Variants in BICC1 observed in about 807,000 individuals in gnomAD.
BICC1 encodes the protein BicC family RNA binding protein 1.
A neutral mutation model predicts 111.0 loss-of-function variants in BICC1; 43 were observed. The ratio of observed to expected loss-of-function variants is 0.39; its 90% CI spans 0.30 to 0.50. The LOEUF is 0.50. Ranked by LOEUF, BICC1 falls within the 20% of genes least tolerant of loss-of-function variation. BICC1 has a pLI of 0.88. For synonymous variants in BICC1, 467 were observed against 434.4 expected (o/e 1.07, Z -0.93); for missense variants, 1,091 against 1,203.2 (o/e 0.91, Z 1.38).
chr10:58,823,131 T>C, intron 20 of BICC1: 14 of 552,264 alleles, frequency 2.5e-5, no homozygotes, highest in Non-Finnish European at 3.2e-5. Flanking sequence ...TGGTCAAATG[T>C]ACAGGGACTC....
intron 2 of BICC1, among the ~76,000 whole-genome samples, chr10:58,697,074 A>T (rs1365125987): frequency 1.3e-5 from 2 of 152,240 alleles, no homozygotes; most frequent in Non-Finnish European, 2.9e-5. Context: ...CCCAACTTTC[A>T]GGTAACATTT....
chr10:58,688,018 C>T (rs931630557), intron 2 of BICC1, among the ~76,000 whole-genome samples: 9 of 152,120 alleles, frequency 5.9e-5, no homozygotes, highest in Admixed American at 5.9e-4. Context: ...AAAGGTGGCG[C>T]ATACGTAGTT....
intron 17 of BICC1, among the ~76,000 whole-genome samples, chr10:58,813,287 A>G (rs2132937813): frequency 6.6e-6 from 1 of 152,306 alleles, no homozygotes; most frequent in South Asian, 2.1e-4. Context: ...GAATTTAAAG[A>G]GATAAATTAC....
intron 3 of BICC1, among the ~76,000 whole-genome samples, chr10:58,721,229 C>A (rs886265718): frequency 1.1e-4 from 16 of 152,278 alleles, no homozygotes; most frequent in African/African-American, 3.9e-4. Flanking sequence ...CATACCACCC[C>A]CTTCCATGGT....
rs560344794 is a variant in BICC1 at position 58,623,014 on chromosome 10, G to A, written c.237+2113G>A. Among the ~76,000 whole-genome samples, 153 of 152,250 alleles carry A rather than the reference G, an allele frequency of 1.0e-3. 1 individual carries two copies. The South Asian group carries it at 0.013, about 13-fold the overall frequency. ...AAAGTTAAAACCTCTCTTTAGCTGAGTTTAAACTTCAGCTACTCAACTTTT... is the reference window on the plus strand; with the variant it reads ...AAAGTTAAAACCTCTCTTTAGCTGAATTTAAACTTCAGCTACTCAACTTTT... On this transcript the variant is annotated intron_variant, in intron 2 of 20. Coordinates refer to ENST00000373886, the MANE Select transcript of BICC1 (RefSeq NM_001080512.3).
At chr10:58,671,670 G>A (rs1402925207) in intron 2 of BICC1, among the ~76,000 whole-genome samples, 2 of 151,974 alleles carry the variant, frequency 1.3e-5, no homozygotes, top group East Asian at 3.9e-4. Context: ...TTATCCTCCA[G>A]CCATTGTCCT....
intron 3 of BICC1, among the ~76,000 whole-genome samples, chr10:58,727,946 G>A (rs998669150): frequency 6.6e-6 from 1 of 152,158 alleles, no homozygotes; most frequent in Non-Finnish European, 1.5e-5. Flanking sequence ...TTTAAAAAAT[G>A]TACATACTTT....
chr10:58,806,718 CAGAAAA>C, intron 16 of BICC1, 95 bp downstream of exon 16: 1 of 1,132,680 alleles, frequency 8.8e-7, no homozygotes, highest in Non-Finnish European at 1.3e-6. Context: ...CTTGAAAACT[CAGAAAA>C]AGAAACCTAG....
chr10:58,586,633 CA>C (rs5785328), intron 1 of BICC1, among the ~76,000 whole-genome samples: 129,166 of 147,288 alleles, frequency 0.88, 56,735 homozygotes, highest in East Asian at 1. Context: ...AAAAAAAAAA[CA>C]AAAAAAAACC....
At chr10:58,619,656 G>T (rs1332114177) in intron 1 of BICC1, among the ~76,000 whole-genome samples, 1 of 152,006 alleles carries the variant, frequency 6.6e-6, no homozygotes, top group Non-Finnish European at 1.5e-5. Flanking sequence ...TGTATTTTTA[G>T]TAGAGACAGG....
chr10:58,817,011 A>G (rs1288880117), intron 18 of BICC1, among the ~76,000 whole-genome samples: 1 of 152,016 alleles, frequency 6.6e-6, no homozygotes, highest in Admixed American at 6.6e-5. Flanking sequence ...CACTTTATAC[A>G]TTACTATTAA....
intron 1 of BICC1, among the ~76,000 whole-genome samples, chr10:58,594,394 T>C (rs1021200974): frequency 5.9e-5 from 9 of 151,984 alleles, no homozygotes; most frequent in African/African-American, 2.2e-4. Context: ...AGATACTCCT[T>C]GAGAAGAGCA....
chr10:58,748,305 A>C (rs1211906554), intron 3 of BICC1, among the ~76,000 whole-genome samples: 1 of 152,122 alleles, frequency 6.6e-6, no homozygotes, highest in Non-Finnish European at 1.5e-5. Flanking sequence ...GATCAGGCAG[A>C]TAATAAAGAA....
At chr10:58,822,090 T>G (rs1053901617) in intron 20 of BICC1, among the ~76,000 whole-genome samples, 2 of 152,168 alleles carry the variant, frequency 1.3e-5, no homozygotes, top group South Asian at 4.1e-4. Context: ...GTTTTCATAT[T>G]ATTTTATTAA....
At chr10:58,666,323 G>A (rs187232533) in intron 2 of BICC1, among the ~76,000 whole-genome samples, 4 of 152,300 alleles carry the variant, frequency 2.6e-5, no homozygotes, top group African/African-American at 9.6e-5. Flanking sequence ...CCAACACTCA[G>A]CTATTGTTTC....
chr10:58,636,879 G>T (rs1401372936), intron 2 of BICC1, among the ~76,000 whole-genome samples: 1 of 151,820 alleles, frequency 6.6e-6, no homozygotes, highest in Non-Finnish European at 1.5e-5. Context: ...AAACAGTAAA[G>T]CATTGAGCAA....
At chr10:58,822,345 T>C (rs1844274801) in intron 20 of BICC1, among the ~76,000 whole-genome samples, 1 of 152,156 alleles carries the variant, frequency 6.6e-6, no homozygotes, top group South Asian at 2.1e-4. Context: ...AGCAGATAGC[T>C]GTAAATACAT....
At chr10:58,648,325 A>G (rs1363324831) in intron 2 of BICC1, among the ~76,000 whole-genome samples, 1 of 152,198 alleles carries the variant, frequency 6.6e-6, no homozygotes. Flanking sequence ...GATTGTACAC[A>G]ACTCAGTGCT....
At chr10:58,770,164 G>C (rs188176487) in intron 3 of BICC1, among the ~76,000 whole-genome samples, 22 of 152,152 alleles carry the variant, frequency 1.4e-4, no homozygotes, top group Admixed American at 1.4e-3. Context: ...AGGTATCATT[G>C]AGAGGCTCTG....
Sources: allele counts gnomAD v4.1 joint callset (sites outside exome capture counted in the v4.1 genomes callset), GRCh38; gene constraint gnomAD v4.1.1; transcripts MANE v1.5; gene names NCBI Gene and HGNC (gene_info 2026-07-23, HGNC 2026-07-21).